MYO1E: variants seen among roughly 807,000 people sequenced by gnomAD.
MYO1E encodes myosin IE.
In MYO1E, 68 loss-of-function variants were observed where a neutral mutation model predicts 151.1. That is an observed-to-expected ratio of 0.45 (90% CI 0.37 to 0.55). The LOEUF is 0.55. Ranked by LOEUF, MYO1E falls within the 20% of genes least tolerant of loss-of-function variation. The probability of loss-of-function intolerance (pLI) is 0.00; values close to 1 mark genes in which losing one functional copy is unlikely to be tolerated. For synonymous variants in MYO1E, 601 were observed against 501.7 expected (o/e 1.20, Z -2.64); for missense variants, 1,363 against 1,389.3 (o/e 0.98, Z 0.30).
At chr15:59,174,324 T>G (rs2079612235) in intron 19 of MYO1E, 84 bp from the exon 20 acceptor site, 1 of 977,232 alleles carries the variant, frequency 1.0e-6, no homozygotes. Flanking sequence ...CCAGGGACCC[T>G]CAGTTTAGAC....
chr15:59,244,097 C>T (rs1334226532), intron 4 of MYO1E, among the ~76,000 whole-genome samples: 2 of 152,238 alleles, frequency 1.3e-5, no homozygotes, highest in African/African-American at 4.8e-5. Context: ...CTAAATAAGA[C>T]AAATTCATTC....
In MYO1E at chr15:59,142,620, T is replaced by A. The variant is rs192596402; in HGVS notation, c.3081-4253A>T. Among the ~76,000 whole-genome samples, 459 of 152,206 alleles carry A rather than the reference T, an allele frequency of 3.0e-3. 1 individual carries two copies. The highest frequency in any genetic ancestry group is 4.5e-3 in the Non-Finnish European group (307 of 68,000). On this transcript the variant is annotated intron_variant, in intron 26 of 27. Transcript: ENST00000288235. ...CAACCTGAAAATCTTTCTAACAGCT[T>A]CTCTCTGCTCTTGGAAAAAGGACCA...
intron 9 of MYO1E, among the ~76,000 whole-genome samples, chr15:59,219,631 G>A (rs1413023839): frequency 6.6e-6 from 1 of 152,216 alleles, no homozygotes; most frequent in East Asian, 1.9e-4. Flanking sequence ...TTGAGCAATA[G>A]AAGGGCTTCC....
intron 1 of MYO1E, among the ~76,000 whole-genome samples, chr15:59,357,690 T>C (rs944583464): frequency 6.6e-6 from 1 of 152,050 alleles, no homozygotes; most frequent in African/African-American, 2.4e-5. Flanking sequence ...CCTCAGGTGA[T>C]CCACCTACCT....
intron 5 of MYO1E, among the ~76,000 whole-genome samples, chr15:59,232,521 T>A (rs1057217136): frequency 2.6e-5 from 4 of 152,222 alleles, no homozygotes; most frequent in Middle Eastern, 3.2e-3. Context: ...TATGCAGAAG[T>A]GTGCAAAACA....
intron 1 of MYO1E, among the ~76,000 whole-genome samples, chr15:59,369,921 C>T (rs554154701): frequency 2.4e-4 from 37 of 152,238 alleles, no homozygotes; most frequent in Non-Finnish European, 4.7e-4. Flanking sequence ...AAGAAGTCCA[C>T]GGTATAGGTG....
At chr15:59,282,081 T>C (rs1596399020) in intron 1 of MYO1E, among the ~76,000 whole-genome samples, 1 of 152,348 alleles carries the variant, frequency 6.6e-6, no homozygotes, top group East Asian at 1.9e-4. Flanking sequence ...ACACTGGCAT[T>C]CCCTATTGGG....
At position 59,195,491 on chromosome 15, in the gene MYO1E, G is replaced by C; in HGVS notation, c.1775C>G (p.Thr592Ser). Residue 592 changes from threonine to serine, a missense_variant, in exon 17 of 28, where the codon ACC becomes AGC. By Grantham distance (58) the Thr-to-Ser change is moderately conservative. Coordinates refer to ENST00000288235, the MANE Select transcript of MYO1E (RefSeq NM_004998.4). ...HYIRCIKPNE[T>S]KKPRDWEESR... The stretch of plus-strand genomic sequence containing the variant: ...TTCCTCCCAGTCTCTGGGCTTCTTG[G>C]TTTCGTTTGGCTTGATGCAGCGAAT... 2 of 1,614,062 alleles carry C rather than the reference G, an allele frequency of 1.2e-6. No homozygotes were observed. Among genetic ancestry groups the C allele is most frequent in the East Asian group, 2.2e-5 (1 of 44,884 alleles).
chr15:59,154,814 C>A (rs569911606), intron 25 of MYO1E, among the ~76,000 whole-genome samples: 3 of 152,292 alleles, frequency 2.0e-5, no homozygotes, highest in East Asian at 3.9e-4. Context: ...TTCTCTATAT[C>A]CTTATTATTG....
intron 12 of MYO1E, among the ~76,000 whole-genome samples, chr15:59,213,541 C>T (rs985635924): frequency 6.6e-6 from 1 of 151,880 alleles, no homozygotes; most frequent in Non-Finnish European, 1.5e-5. Flanking sequence ...TGATATAAGC[C>T]TCGACCTCCT....
At chr15:59,139,111 C>G (rs1005262939) in intron 26 of MYO1E, among the ~76,000 whole-genome samples, 35 of 152,060 alleles carry the variant, frequency 2.3e-4, no homozygotes, top group African/African-American at 8.0e-4. Flanking sequence ...GCTCCCCATT[C>G]ACAACCTTAT....
chr15:59,170,159 T>TAAAACAAAAC lies in MYO1E; in HGVS notation c.2480+1728_2480+1737dup, dbSNP rs199974292. Among the ~76,000 whole-genome samples the TAAAACAAAAC allele has an allele frequency of 2.0e-3, 300 of 151,736 alleles. 3 individuals are homozygous for TAAAACAAAAC. The highest frequency in any genetic ancestry group is 8.2e-3 in the Admixed American group (125 of 15,276). ...CTGGGTGACAGAGCGAGACTCTGTC[T>TAAAACAAAAC]AAAACAAAACAAAACAAAACAAAAC... On this transcript the variant is annotated intron_variant, in intron 22 of 27. Transcript: ENST00000288235.
At chr15:59,191,365 A>G (rs1470801491) in intron 17 of MYO1E, among the ~76,000 whole-genome samples, 2 of 150,522 alleles carry the variant, frequency 1.3e-5, no homozygotes, top group African/African-American at 4.9e-5. Context: ...AGAGAGAGAG[A>G]GAGAAAGAAA....
At chr15:59,318,738 T>C (rs2080605485) in intron 1 of MYO1E, among the ~76,000 whole-genome samples, 1 of 152,196 alleles carries the variant, frequency 6.6e-6, no homozygotes, top group African/African-American at 2.4e-5. Flanking sequence ...TACTAAGGAC[T>C]TCACGTGCAC....
At chr15:59,241,812 T>C (rs956457601) in intron 4 of MYO1E, among the ~76,000 whole-genome samples, 25 of 152,100 alleles carry the variant, frequency 1.6e-4, no homozygotes, top group African/African-American at 5.8e-4. Flanking sequence ...CTAGTTACTT[T>C]GGAGGCTGAG....
In MYO1E at chr15:59,234,265, C is replaced by G. The variant is rs1273065969; in HGVS notation, c.420+2320G>C. ...GGATGGGTGCATGGATGGATGGGTGCATGGATGGATGGATGCACGGATGGA... is the reference window on the plus strand; with the variant it reads ...GGATGGGTGCATGGATGGATGGGTGGATGGATGGATGGATGCACGGATGGA... On this transcript the variant is annotated intron_variant, in intron 5 of 27. Coordinates refer to ENST00000288235, the MANE Select transcript of MYO1E (RefSeq NM_004998.4). 2.2e-3 allele frequency among the ~76,000 whole-genome samples: 303 copies of G among 140,672 alleles called. 2 individuals carry two copies. Among genetic ancestry groups the G allele is most frequent in the African/African-American group, 8.8e-3 (286 of 32,414 alleles). The allele number at this position is 140,672 out of a possible 152,430, so 92.3% of individuals were successfully genotyped here.
At chr15:59,144,462 C>A (rs750409022) in intron 26 of MYO1E, among the ~76,000 whole-genome samples, 6 of 151,986 alleles carry the variant, frequency 3.9e-5, no homozygotes, top group Non-Finnish European at 8.8e-5. Context: ...CCAATGCGCC[C>A]GGCCTCTTTA....
At chr15:59,200,664 G>A (rs771876402) in intron 16 of MYO1E, among the ~76,000 whole-genome samples, 2 of 152,130 alleles carry the variant, frequency 1.3e-5, no homozygotes, top group Non-Finnish European at 2.9e-5. Context: ...CAACAACGGC[G>A]ATACAGGAAA....
chr15:59,138,666 ATACATT>A (rs1398622959), intron 26 of MYO1E, among the ~76,000 whole-genome samples: 1 of 152,212 alleles, frequency 6.6e-6, no homozygotes, highest in African/African-American at 2.4e-5. Flanking sequence ...AAGTATACCC[ATACATT>A]TAAATCAGGA....
Sources: gnomAD v4.1 joint callset for allele counts (sites outside exome capture counted in the v4.1 genomes callset) on GRCh38, gnomAD v4.1.1 for gene constraint, MANE v1.5 for transcripts, NCBI Gene and HGNC (gene_info 2026-07-23, HGNC 2026-07-21) for gene names.